PLCG2: variants seen among roughly 807,000 people sequenced by gnomAD.
The protein encoded by PLCG2 is 1-phosphatidylinositol 4,5-bisphosphate phosphodiesterase gamma-2.
A neutral mutation model predicts 175.6 loss-of-function variants in PLCG2; 69 were observed. That is an observed-to-expected ratio of 0.39 (90% CI 0.32 to 0.48). The LOEUF (loss-of-function observed/expected upper bound fraction) is 0.48, where lower values mean the gene tolerates loss of function less well. Among genes scored for constraint, PLCG2 ranks in the 20% least tolerant of loss-of-function variants. The pLI is 0.91. For missense variants in PLCG2, 1,798 were observed against 1,650.9 expected (o/e 1.09, Z -1.54); for synonymous variants, 827 against 624.0 (o/e 1.33, Z -4.85).
chr16:81,941,421 A>G (rs1188093469), intron 30 of PLCG2, among the ~76,000 whole-genome samples: 1 of 152,218 alleles, frequency 6.6e-6, no homozygotes, highest in Non-Finnish European at 1.5e-5. Flanking sequence ...CTGCATCTTT[A>G]GGCAGCTCCC....
intron 8 of PLCG2, 125 bp downstream of exon 8, chr16:81,881,078 C>T (rs1051630257): frequency 7.6e-6 from 7 of 918,528 alleles, no homozygotes; most frequent in African/African-American, 4.9e-5. Context: ...CAGGGGGCCC[C>T]TGCTGGGGAA....
At chr16:81,920,055 G>C (rs192712909) in intron 20 of PLCG2, among the ~76,000 whole-genome samples, 4 of 152,184 alleles carry the variant, frequency 2.6e-5, no homozygotes, top group African/African-American at 7.2e-5. Flanking sequence ...CATGCGCAAA[G>C]GTCCTGAGGT....
intron 32 of PLCG2, 73 bp downstream of exon 32, chr16:81,956,952 A>G: frequency 7.6e-7 from 1 of 1,324,048 alleles, no homozygotes; most frequent in Admixed American, 1.9e-5. Flanking sequence ...ACCACGGGCC[A>G]GGCTTCTGGA....
chr16:81,883,195 T>C (rs1414690729), intron 8 of PLCG2, 74 bp from the exon 9 acceptor site: 18 of 1,349,452 alleles, frequency 1.3e-5, no homozygotes, highest in South Asian at 1.0e-4. Flanking sequence ...GGCTGCCCCA[T>C]TGGCTGGCAT....
chr16:81,871,348 G>C (rs1297394483), intron 7 of PLCG2, among the ~76,000 whole-genome samples: 1 of 152,156 alleles, frequency 6.6e-6, no homozygotes, highest in Non-Finnish European at 1.5e-5. Flanking sequence ...ACGTTTGTTT[G>C]TTTGTTTTGA....
At chr16:81,862,074 G>A (rs747737923) in intron 5 of PLCG2, among the ~76,000 whole-genome samples, 1 of 152,210 alleles carries the variant, frequency 6.6e-6, no homozygotes, top group Admixed American at 6.5e-5. Flanking sequence ...CTTTGCAAAA[G>A]AAACTTTGAC....
intron 7 of PLCG2, among the ~76,000 whole-genome samples, chr16:81,875,484 A>T (rs561417218): frequency 6.6e-6 from 1 of 152,196 alleles, no homozygotes; most frequent in Non-Finnish European, 1.5e-5. Context: ...AATCCTTTGT[A>T]TTAAAGAAAA....
At chr16:81,914,990 C>G (rs1358563800) in intron 19 of PLCG2, among the ~76,000 whole-genome samples, 2 of 152,192 alleles carry the variant, frequency 1.3e-5, no homozygotes, top group African/African-American at 4.8e-5. Flanking sequence ...GTCATTGTAA[C>G]AATCAAAAAT....
intron 2 of PLCG2, among the ~76,000 whole-genome samples, chr16:81,831,544 C>A (rs146442518): frequency 6.6e-5 from 10 of 152,306 alleles, no homozygotes; most frequent in African/African-American, 2.2e-4. Context: ...AGTATTTGAA[C>A]CTCATCCAAC....
At chr16:81,780,125 T>A (rs909699338) in intron 1 of PLCG2, among the ~76,000 whole-genome samples, 1 of 152,054 alleles carries the variant, frequency 6.6e-6, no homozygotes, top group Admixed American at 6.6e-5. Flanking sequence ...TACCCTAATC[T>A]TGAACTAGGG....
chr16:81,882,630 C>T (rs963640795), intron 8 of PLCG2, among the ~76,000 whole-genome samples: 20 of 152,088 alleles, frequency 1.3e-4, no homozygotes, highest in African/African-American at 4.3e-4. Context: ...TGCGTTCCCT[C>T]GCTCCTACTC....
At chr16:81,780,336 T>C (rs1041956696) in intron 1 of PLCG2, among the ~76,000 whole-genome samples, 3 of 152,232 alleles carry the variant, frequency 2.0e-5, no homozygotes, top group African/African-American at 4.8e-5. Flanking sequence ...TTGGGGCTTA[T>C]TGCTGTTCCA....
chr16:81,804,969 C>G (rs1466271875), intron 2 of PLCG2, among the ~76,000 whole-genome samples: 2 of 152,166 alleles, frequency 1.3e-5, no homozygotes, highest in East Asian at 3.9e-4. Flanking sequence ...AGTGTCTAGT[C>G]ATTACAATCT....
chr16:81,817,713 C>A (rs1328970087), intron 2 of PLCG2, among the ~76,000 whole-genome samples: 1 of 152,166 alleles, frequency 6.6e-6, no homozygotes, highest in Non-Finnish European at 1.5e-5. Flanking sequence ...CTAAAACTCC[C>A]AGACTCAAGC....
In PLCG2 at chr16:81,836,218, CA is replaced by C. The variant is rs748438242; in HGVS notation, c.194-18225del. Among the ~76,000 whole-genome samples, 3 of 152,288 alleles carry C rather than the reference CA, an allele frequency of 2.0e-5. No individual in the cohort carries two copies. The East Asian group carries it at 5.8e-4, about 29-fold the overall frequency. ...CAGCTGACCCAATCCCTGCATTTCT[CA>C]GAGGGGGAAACTGAGGCCCAGGGAG... On this transcript the variant is annotated intron_variant, in intron 2 of 32. Transcript: ENST00000564138.
intron 12 of PLCG2, among the ~76,000 whole-genome samples, chr16:81,895,274 A>G (rs1036662157): frequency 2.0e-4 from 30 of 152,236 alleles, no homozygotes; most frequent in Non-Finnish European, 5.9e-5. Flanking sequence ...AAAAAGAAGC[A>G]TTGAGGTTGG....
intron 2 of PLCG2, among the ~76,000 whole-genome samples, chr16:81,800,586 G>A (rs1399896132): frequency 6.6e-6 from 1 of 152,096 alleles, no homozygotes; most frequent in Admixed American, 6.6e-5. Context: ...TGGTGTATAT[G>A]TACCATATTT....
upstream of PLCG2, among the ~76,000 whole-genome samples, chr16:81,777,241 T>G (rs1447586821): frequency 1.3e-5 from 2 of 151,876 alleles, no homozygotes; most frequent in Middle Eastern, 3.2e-3. Flanking sequence ...CTCCCTAGAG[T>G]GGTCTCCACA....
chr16:81,915,554 T>C (rs1270719168), intron 19 of PLCG2, among the ~76,000 whole-genome samples: 2 of 152,194 alleles, frequency 1.3e-5, no homozygotes, highest in African/African-American at 4.8e-5. Context: ...GGGAAGTTAG[T>C]TGTGGGTTGA....
Sources: gnomAD v4.1 joint callset for allele counts (sites outside exome capture counted in the v4.1 genomes callset) on GRCh38, gnomAD v4.1.1 for gene constraint, MANE v1.5 for transcripts, NCBI Gene and HGNC (gene_info 2026-07-23, HGNC 2026-07-21) for gene names.